LRCH3: variants seen among roughly 807,000 people sequenced by gnomAD.
The protein encoded by LRCH3 is DISP complex protein LRCH3.
In LRCH3, 68 loss-of-function variants were observed where a neutral mutation model predicts 104.5. The observed-to-expected ratio is 0.65, with a 90% CI of 0.54 to 0.80. The LOEUF is 0.80. LRCH3 is among the 30% of genes least tolerant of loss of function. The probability of loss-of-function intolerance (pLI) is 0.00; values close to 1 mark genes in which losing one functional copy is unlikely to be tolerated. For synonymous variants in LRCH3, 344 were observed against 361.3 expected (o/e 0.95, Z 0.54); for missense variants, 951 against 953.9 (o/e 1.00, Z 0.04).
At chr3:197,829,338 T>C (rs1325619892) in intron 5 of LRCH3, among the ~76,000 whole-genome samples, 1 of 152,222 alleles carries the variant, frequency 6.6e-6, no homozygotes, top group Admixed American at 6.5e-5. Flanking sequence ...ATTTATATAT[T>C]ACTGAAATGT....
chr3:197,836,185 C>T (rs1210253394), intron 9 of LRCH3, among the ~76,000 whole-genome samples: 1 of 152,154 alleles, frequency 6.6e-6, no homozygotes, highest in Non-Finnish European at 1.5e-5. Flanking sequence ...ATAGTTTGGT[C>T]AGTAGTTAAT....
At position 197,850,813 on chromosome 3, in the gene LRCH3, G is replaced by C. The variant is rs1431141169; in HGVS notation, c.1531-1748G>C. On this transcript the variant is annotated intron_variant, in intron 12 of 20. Coordinates refer to ENST00000425562, the MANE Select transcript of LRCH3 (RefSeq NM_001365715.1). ...TGTTTCTGTAAAGTGACATCTTTCA[G>C]ATACTTCGTGGCTTTTCGTATATGC... is the stretch of plus-strand genomic sequence containing the variant. The C allele has an allele frequency of 5.9e-6, 7 of 1,177,240 alleles. No homozygotes were observed. The East Asian group carries it at 7.0e-5, about 12-fold the overall frequency. The allele number at this position is 1,177,240 out of a possible 1,614,324, so 72.9% of individuals were successfully genotyped here. A position where few individuals can be genotyped will look rare whatever the true frequency, so the allele number is the denominator to read the frequency against.
At chr3:197,847,039 T>C (rs1386773013) in intron 10 of LRCH3, among the ~76,000 whole-genome samples, 1 of 152,214 alleles carries the variant, frequency 6.6e-6, no homozygotes, top group Non-Finnish European at 1.5e-5. Context: ...AATGACTGTA[T>C]GTAAAAGGAT....
Position 197,864,399 on chromosome 3 carries a change from G to C in LRCH3, c.1717-1024G>C, listed in dbSNP as rs564108164. Among the ~76,000 whole-genome samples the C allele has an allele frequency of 6.1e-4, 91 of 150,160 alleles. 2 individuals carry two copies. The highest frequency in any genetic ancestry group is 6.2e-4 in the South Asian group (3 of 4,816). ...GAGGCAGGCGAATCACCTGAGGTTG[G>C]GAGTTCGAGAACGGCCTGACTAACA... On this transcript the variant is annotated intron_variant, in intron 15 of 20. Coordinates refer to ENST00000425562, the MANE Select transcript of LRCH3 (RefSeq NM_001365715.1).
chr3:197,868,717 T>A (rs1289703230), intron 17 of LRCH3, among the ~76,000 whole-genome samples: 5 of 152,178 alleles, frequency 3.3e-5, no homozygotes, highest in Admixed American at 6.5e-5. Flanking sequence ...TTACCATTGA[T>A]CAAAGGAAGC....
chr3:197,851,417 G>C (rs1490107829), intron 12 of LRCH3, among the ~76,000 whole-genome samples: 3 of 152,170 alleles, frequency 2.0e-5, no homozygotes, highest in African/African-American at 7.2e-5. Context: ...AGAAAGACTA[G>C]AAAGAGGAAA....
intron 18 of LRCH3, among the ~76,000 whole-genome samples, chr3:197,870,758 G>A (rs1712077976): frequency 4.6e-5 from 7 of 151,112 alleles, no homozygotes; most frequent in Admixed American, 3.9e-4. Flanking sequence ...TGGCAGGCGT[G>A]AGCTTCCGCG....
Position 197,854,427 on chromosome 3 carries a change from TG to T in LRCH3, c.1627del (p.Asp543IlefsTer11). ...FPSRRSQHTD[D>X]SALCMSLSGL... ...CATCCAGAAGGTCTCAGCACACTGATGATAGTGCCTTGTGCATGGTAAGAGT... is the reference window on the plus strand; with the variant it reads ...CATCCAGAAGGTCTCAGCACACTGATATAGTGCCTTGTGCATGGTAAGAGT... On this transcript the variant is annotated frameshift_variant, in exon 14 of 21. Coordinates refer to ENST00000425562, the MANE Select transcript of LRCH3 (RefSeq NM_001365715.1). LOFTEE classifies it high-confidence loss of function. This position sits in a 1 kb window ranked among gnomAD's most constrained non-coding sequence, Gnocchi z 4.5. 1 of 1,614,186 alleles carries T rather than the reference TG, an allele frequency of 6.2e-7. No individual in the cohort carries two copies. Among genetic ancestry groups the T allele is most frequent in the Non-Finnish European group, 8.5e-7 (1 of 1,180,002 alleles).
intron 9 of LRCH3, among the ~76,000 whole-genome samples, chr3:197,837,631 C>T (rs187978097): frequency 9.2e-5 from 14 of 152,210 alleles, no homozygotes; most frequent in Admixed American, 4.6e-4. Context: ...TTGTCACATA[C>T]ATAGACCATT....
At chr3:197,842,636 C>T (rs556390659) in intron 10 of LRCH3, among the ~76,000 whole-genome samples, 3 of 152,196 alleles carry the variant, frequency 2.0e-5, no homozygotes, top group South Asian at 4.1e-4. Context: ...ACTCCCCTAC[C>T]GCTACCCACA....
chr3:197,803,031 G>C (rs1189850920), intron 1 of LRCH3, among the ~76,000 whole-genome samples: 1 of 152,196 alleles, frequency 6.6e-6, no homozygotes, highest in Non-Finnish European at 1.5e-5. Context: ...TAAGAGAAAT[G>C]ATGTTACATG....
In LRCH3 at chr3:197,854,451, A is replaced by G; in HGVS notation, c.1644+6A>G. The G allele has an allele frequency of 6.2e-7, 1 of 1,613,698 alleles. No individual in the cohort carries two copies. The highest frequency in any genetic ancestry group is 8.5e-7 in the Non-Finnish European group (1 of 1,179,552). ...ATGATAGTGCCTTGTGCATGGTAAGAGTTTTGCACAAAACGGAGTTTCGCA... is the reference window on the plus strand; with the variant it reads ...ATGATAGTGCCTTGTGCATGGTAAGGGTTTTGCACAAAACGGAGTTTCGCA... On this transcript the variant is annotated splice_donor_region_variant and intron_variant, in intron 14 of 20. Coordinates refer to ENST00000425562, the MANE Select transcript of LRCH3 (RefSeq NM_001365715.1). This position sits in a 1 kb window ranked among gnomAD's most constrained non-coding sequence, Gnocchi z 4.5.
In LRCH3 at chr3:197,839,339, G is replaced by A. The variant is rs758459893; in HGVS notation, c.1270G>A (p.Val424Ile). ...ISHEGSPVKP[V>I]AIREFQKTED... ...GGCCTAGGGTTCACCAGTAAAGCCA[G>A]TAGCCATTAGGGAGTTTCAAAAAAC... Residue 424 changes from valine (V) to isoleucine (I), a missense_variant, in exon 10 of 21, where the codon GTA becomes ATA. Coordinates refer to ENST00000425562, the MANE Select transcript of LRCH3 (RefSeq NM_001365715.1). 2.5e-6 allele frequency: 4 copies of A among 1,596,906 alleles called. No homozygotes were observed. The highest frequency in any genetic ancestry group is 1.4e-5 in the African/African-American group (1 of 73,902).
chr3:197,805,402 A>T (rs1732365923), intron 1 of LRCH3, among the ~76,000 whole-genome samples: 1 of 152,164 alleles, frequency 6.6e-6, no homozygotes, highest in Non-Finnish European at 1.5e-5. Context: ...TGGGACTAAA[A>T]CTGGGTCTGG....
At chr3:197,819,225 TC>T (rs1276989450) in intron 3 of LRCH3, among the ~76,000 whole-genome samples, 1 of 152,136 alleles carries the variant, frequency 6.6e-6, no homozygotes, top group Non-Finnish European at 1.5e-5. Flanking sequence ...GCTCTTTTTT[TC>T]CTCTTCATTA....
intron 20 of LRCH3, among the ~76,000 whole-genome samples, chr3:197,878,781 T>C (rs1713207087): frequency 6.6e-6 from 1 of 152,270 alleles, no homozygotes; most frequent in South Asian, 2.1e-4. Flanking sequence ...AAGAAACTTC[T>C]ACCTCCTCGT....
rs1190739600 is a variant in LRCH3 at position 197,887,575 on chromosome 3, G to A, written c.*3909G>A. The A allele has an allele frequency of 7.5e-6, 1 of 133,684 alleles. No individual in the cohort carries two copies. Among genetic ancestry groups the A allele is most frequent in the Non-Finnish European group, 1.6e-5 (1 of 63,968 alleles). The allele number at this position is 133,684 out of a possible 1,614,324, so 8.3% of individuals were successfully genotyped here. A position where few individuals can be genotyped will look rare whatever the true frequency, so the allele number is the denominator to read the frequency against. ...CCCCAGCAGAGCCCTTCCCATCACT[G>A]ACAGTGTTGGGGGCTGAGAGCCCCC... On this transcript the variant is annotated 3_prime_UTR_variant, in exon 21 of 21. Coordinates refer to ENST00000425562, the MANE Select transcript of LRCH3 (RefSeq NM_001365715.1).
At chr3:197,872,048 C>G (rs114911865) in intron 19 of LRCH3, among the ~76,000 whole-genome samples, 2,201 of 152,278 alleles carry the variant, frequency 0.014, 22 homozygotes, top group Middle Eastern at 0.034. Flanking sequence ...TACCATGATT[C>G]TAACTGCAGT....
chr3:197,874,000 A>G (rs1427585508), intron 19 of LRCH3, among the ~76,000 whole-genome samples: 2 of 147,638 alleles, frequency 1.4e-5, no homozygotes, highest in Non-Finnish European at 3.0e-5. Context: ...CAGCCTGGCG[A>G]CAGAGTGAGA....
Sources: allele counts gnomAD v4.1 joint callset (sites outside exome capture counted in the v4.1 genomes callset), GRCh38; gene constraint gnomAD v4.1.1; non-coding constraint Gnocchi (gnomAD v3.1); transcripts MANE v1.5; gene names NCBI Gene and HGNC (gene_info 2026-07-23, HGNC 2026-07-21).